The following IL7R variants were observed in gnomAD, a reference collection of about 807,000 sequenced individuals.
The protein encoded by IL7R is interleukin-7 receptor subunit alpha.
In IL7R, 38 loss-of-function variants were observed where a neutral mutation model predicts 47.0. That is an observed-to-expected ratio of 0.81 (90% CI 0.62 to 1.06). IL7R has a LOEUF of 1.06. Ranked by LOEUF, IL7R falls within the 50% of genes least tolerant of loss-of-function variation. The pLI is 0.00. For missense variants in IL7R, 633 were observed against 534.8 expected (o/e 1.18, Z -1.81); for synonymous variants, 221 against 199.8 (o/e 1.11, Z -0.89).
Position 35,876,696 on chromosome 5 carries a change from G to C in IL7R, c.*210G>C, listed in dbSNP as rs1458317004. The C allele has an allele frequency of 1.6e-6, 1 of 608,562 alleles. No homozygotes were observed. Among genetic ancestry groups the C allele is most frequent in the Non-Finnish European group, 2.9e-6 (1 of 343,244 alleles). 37.7% of individuals were successfully genotyped at this position (608,562 alleles called of 1,614,324 possible). On this transcript the variant is annotated 3_prime_UTR_variant, in exon 8 of 8. Transcript: ENST00000303115. ...GTCAAGAGCATCCTGCTTCTACCAT[G>C]TGGATTTGGTCACAAGGTTTAAGGT...
chr5:35,876,187 T>C lies in IL7R; in HGVS notation c.1081T>C (p.Phe361Leu), dbSNP rs1323524173. The C allele has an allele frequency of 1.2e-6, 2 of 1,614,154 alleles. No individual in the cohort carries two copies. The highest frequency in any genetic ancestry group is 1.7e-6 in the Non-Finnish European group (2 of 1,180,030). Reference sequence around the variant, plus strand: ...GGATGTAGTCATCACTCCAGAAAGCTTTGGAAGAGATTCATCCCTCACATG... The same window carrying C: ...GGATGTAGTCATCACTCCAGAAAGCCTTGGAAGAGATTCATCCCTCACATG... ...SEDVVITPES[F>L]GRDSSLTCLA... Residue 361 changes from phenylalanine (F) to leucine (L), a missense_variant, in exon 8 of 8, where the codon TTT becomes CTT. By Grantham distance (22) the Phe-to-Leu change is conservative. Transcript: ENST00000303115.
chr5:35,860,705 C>T, intron 1 of IL7R, 147 bp from the exon 2 acceptor site: 2 of 827,036 alleles, frequency 2.4e-6, no homozygotes, highest in South Asian at 1.6e-5. Flanking sequence ...CTTGTCTTTG[C>T]CCTTGGGCTT....
chr5:35,861,933 T>C (rs1759830760), intron 2 of IL7R, among the ~76,000 whole-genome samples: 1 of 152,156 alleles, frequency 6.6e-6, no homozygotes, highest in African/African-American at 2.4e-5. Flanking sequence ...CCAGTAGTAA[T>C]AGAAGGCTTC....
At chr5:35,875,905 G>A (rs1760193163) in intron 7 of IL7R, 78 bp from the exon 8 acceptor site, 4 of 1,477,512 alleles carry the variant, frequency 2.7e-6, no homozygotes, top group African/African-American at 1.4e-5. Context: ...AAACTCTATA[G>A]ACCTACTCCT....
intron 2 of IL7R, among the ~76,000 whole-genome samples, chr5:35,863,805 C>T (rs1759878376): frequency 6.6e-6 from 1 of 152,124 alleles, no homozygotes; most frequent in Non-Finnish European, 1.5e-5. Flanking sequence ...TACTTTTATT[C>T]TACCTTTACA....
At chr5:35,873,746 A>G (rs1760134497) in intron 5 of IL7R, 98 bp downstream of exon 5, 2 of 1,089,446 alleles carry the variant, frequency 1.8e-6, no homozygotes, top group African/African-American at 3.1e-5. Context: ...AACCTGCAAA[A>G]TAGGACACCC....
rs1020347010 is a variant in IL7R at position 35,878,613 on chromosome 5, T to C, written c.*2127T>C. ...AGGTGTTCTTTACCTTTTGTAGAAA[T>C]GGGAGTCAAGTCTCAAATAGGAGGC... On this transcript the variant is annotated 3_prime_UTR_variant, in exon 8 of 8. Coordinates refer to ENST00000303115, the MANE Select transcript of IL7R (RefSeq NM_002185.5). 8.6e-6 allele frequency: 2 copies of C among 232,696 alleles called. No homozygotes were observed. The highest frequency in any genetic ancestry group is 1.2e-3 in the Middle Eastern group (1 of 804). The allele number at this position is 232,696 out of a possible 1,614,324, so 14.4% of individuals were successfully genotyped here.
chr5:35,874,129 G>A (rs1760146505), intron 5 of IL7R, among the ~76,000 whole-genome samples: 1 of 152,092 alleles, frequency 6.6e-6, no homozygotes, highest in Non-Finnish European at 1.5e-5. Flanking sequence ...TTGCAACAGG[G>A]GTGAACATCC....
chr5:35,869,795 T>C (rs2149900753), intron 3 of IL7R, among the ~76,000 whole-genome samples: 1 of 152,296 alleles, frequency 6.6e-6, no homozygotes, highest in Middle Eastern at 3.4e-3. Context: ...CCCACTGCCT[T>C]TCCTCCTGCT....
rs1160681960 is a variant in IL7R, at chr5:35,878,801, C to A, written c.*2315C>A. On this transcript the variant is annotated 3_prime_UTR_variant, in exon 8 of 8. Coordinates refer to ENST00000303115, the MANE Select transcript of IL7R (RefSeq NM_002185.5). ...AGAACTGGGAGCCATAATTTTGTAT[C>A]CCTGGTATAAATAGACAATCTCTTG... The A allele has an allele frequency of 4.3e-6, 1 of 232,856 alleles. No individual in the cohort carries two copies. The highest frequency in any genetic ancestry group is 6.1e-5 in the East Asian group (1 of 16,526). 14.4% of individuals were successfully genotyped at this position (232,856 alleles called of 1,614,324 possible). A position where few individuals can be genotyped will look rare whatever the true frequency, so the allele number is the denominator to read the frequency against.
intron 1 of IL7R, among the ~76,000 whole-genome samples, chr5:35,860,044 A>T (rs1759759600): frequency 6.6e-6 from 1 of 151,900 alleles, no homozygotes; most frequent in South Asian, 2.1e-4. Context: ...TGTGTGACAG[A>T]TCACACTTTC....
intron 2 of IL7R, among the ~76,000 whole-genome samples, chr5:35,864,799 GT>G (rs1017270488): frequency 2.0e-5 from 3 of 151,032 alleles, no homozygotes; most frequent in East Asian, 1.9e-4. Context: ...ATAAGCAAGA[GT>G]TTTTTTTTAT....
At chr5:35,873,281 A>T (rs893179837) in intron 4 of IL7R, 199 bp from the exon 5 acceptor site, 1 of 625,634 alleles carries the variant, frequency 1.6e-6, no homozygotes, top group Admixed American at 2.4e-5. Context: ...GACCACTCAC[A>T]ACATCCTTTA....
At chr5:35,864,974 A>G (rs1759901119) in intron 2 of IL7R, among the ~76,000 whole-genome samples, 1 of 151,900 alleles carries the variant, frequency 6.6e-6, no homozygotes, top group African/African-American at 2.4e-5. Flanking sequence ...TTTAATTATT[A>G]TTATACTTTA....
At chr5:35,861,619 A>G (rs1332403181) in intron 2 of IL7R, among the ~76,000 whole-genome samples, 5 of 152,162 alleles carry the variant, frequency 3.3e-5, no homozygotes, top group Non-Finnish European at 5.9e-5. Context: ...TTGACTTCAG[A>G]TGATCCTCTC....
rs745590108 is a variant in IL7R at position 35,871,067 on chromosome 5, G to A, written c.391G>A (p.Ala131Thr). 6.2e-7 allele frequency: 1 copy of A among 1,612,778 alleles called. No homozygotes were observed. Among genetic ancestry groups the A allele is most frequent in the Non-Finnish European group, 8.5e-7 (1 of 1,178,814 alleles). The change falls in exon 4 of 8, where the codon GCT becomes ACT. Residue 131 changes from alanine to threonine, a missense_variant. Coordinates refer to ENST00000303115, the MANE Select transcript of IL7R (RefSeq NM_002185.5). Reference sequence around the variant, plus strand: ...TTTTTCTTTTCCAGTTAAACCTGAGGCTCCTTTTGACCTGAGTGTCGTCTA... The same window carrying A: ...TTTTTCTTTTCCAGTTAAACCTGAGACTCCTTTTGACCTGAGTGTCGTCTA... ...IDLTTIVKPE[A>T]PFDLSVVYRE... is the part of the protein sequence containing the mutation.
Position 35,856,897 on chromosome 5 carries a change from C to T in IL7R, c.-81C>T. 1.2e-6 allele frequency: 1 copy of T among 824,590 alleles called. No individual in the cohort carries two copies. Among genetic ancestry groups the T allele is most frequent in the Non-Finnish European group, 2.1e-6 (1 of 470,304 alleles). 51.1% of individuals were successfully genotyped at this position (824,590 alleles called of 1,614,324 possible). ...TAGATCTAAGCTTCTCTGTCTTCCTCCCTCCCTCCCTTCCTCTTACTCTCA... is the reference window on the plus strand; with the variant it reads ...TAGATCTAAGCTTCTCTGTCTTCCTTCCTCCCTCCCTTCCTCTTACTCTCA... On this transcript the variant is annotated 5_prime_UTR_variant, in exon 1 of 8. Coordinates refer to ENST00000303115, the MANE Select transcript of IL7R (RefSeq NM_002185.5).
chr5:35,864,469 G>A (rs1036973724), intron 2 of IL7R, among the ~76,000 whole-genome samples: 2 of 152,062 alleles, frequency 1.3e-5, no homozygotes, highest in Admixed American at 6.6e-5. Context: ...TTTCAAAGTG[G>A]TTATACCATT....
chr5:35,876,056 G>C lies in IL7R; in HGVS notation c.950G>C (p.Arg317Thr), dbSNP rs755809849. The C allele has an allele frequency of 3.1e-6, 5 of 1,614,078 alleles. No individual in the cohort carries two copies. In the African/African-American group the frequency reaches 5.3e-5, roughly 17 times the overall value. The change falls in exon 8 of 8, where the codon AGA (arginine) becomes ACA (threonine). Residue 317 changes from arginine to threonine, a missense_variant. Arg to Thr is a moderately conservative substitution (Grantham distance 71, BLOSUM62 -1). Coordinates refer to ENST00000303115, the MANE Select transcript of IL7R (RefSeq NM_002185.5). The part of the protein sequence containing the change: ...QIHRVDDIQA[R>T]DEVEGFLQDT... ...CATAGGGTGGATGACATTCAAGCTA[G>C]AGATGAAGTGGAAGGTTTTCTGCAA...
Sources: allele counts gnomAD v4.1 joint callset (sites outside exome capture counted in the v4.1 genomes callset), GRCh38; gene constraint gnomAD v4.1.1; transcripts MANE v1.5; gene names NCBI Gene and HGNC (gene_info 2026-07-23, HGNC 2026-07-21).